Variants in MUCL1 observed in about 807,000 individuals in gnomAD.
MUCL1 encodes mucin-like protein 1.
MUCL1 carries 11 observed loss-of-function variants against 9.2 expected under a neutral mutation model. The ratio of observed to expected loss-of-function variants is 1.19; its 90% CI spans 0.75 to 1.97. The LOEUF is 1.97. Ranked by LOEUF, MUCL1 falls within the 30% of genes most tolerant of loss-of-function variation. The pLI is 0.00. For synonymous variants in MUCL1, 48 were observed against 40.5 expected, an observed-to-expected ratio of 1.19 and a Z score of -0.71; for missense variants, 144 against 110.9, an observed-to-expected ratio of 1.30 and a Z score of -1.34.
intron 1 of MUCL1, among the ~76,000 whole-genome samples, chr12:54,831,489 A>G (rs1959185279): frequency 6.6e-5 from 10 of 152,122 alleles, no homozygotes; most frequent in Admixed American, 6.5e-4. Context: ...TAGTCATATA[A>G]GGTTAAAATA....
At chr12:54,840,954 T>A (rs1393499795) in intron 1 of MUCL1, among the ~76,000 whole-genome samples, 1 of 152,200 alleles carries the variant, frequency 6.6e-6, no homozygotes, top group Non-Finnish European at 1.5e-5. Context: ...TCCCCAGGGA[T>A]GAAACTGTAT....
At chr12:54,850,852 C>T (rs1165469549), upstream of MUCL1, among the ~76,000 whole-genome samples, 1 of 152,210 alleles carries the variant, frequency 6.6e-6, no homozygotes, top group Non-Finnish European at 1.5e-5. Flanking sequence ...GATTGCCATT[C>T]TAACTGGTGT....
At chr12:54,843,659 T>C (rs1021835898) in intron 1 of MUCL1, among the ~76,000 whole-genome samples, 2 of 152,102 alleles carry the variant, frequency 1.3e-5, no homozygotes, top group Admixed American at 1.3e-4. Context: ...TGAGACAAAC[T>C]CAAATAATCA....
chr12:54,839,349 A>C (rs1423195787), upstream of MUCL1: 1 of 700,412 alleles, frequency 1.4e-6, no homozygotes, highest in Non-Finnish European at 2.6e-6. Flanking sequence ...TTATTTATTA[A>C]TTTTCTCCCT....
intron 1 of MUCL1, among the ~76,000 whole-genome samples, chr12:54,831,633 A>G (rs571740572): frequency 1.0e-3 from 154 of 152,236 alleles, no homozygotes; most frequent in African/African-American, 3.6e-3. Flanking sequence ...TTCATTGAAT[A>G]TCTAGATTAT....
upstream of MUCL1, among the ~76,000 whole-genome samples, chr12:54,853,789 T>A (rs1868275652): frequency 6.6e-6 from 1 of 152,214 alleles, no homozygotes; most frequent in Non-Finnish European, 1.5e-5. Context: ...CTTTGTTCGC[T>A]GTTATTTTTC....
chr12:54,835,869 A>G (rs7488173), upstream of MUCL1, among the ~76,000 whole-genome samples: 31,513 of 152,098 alleles, frequency 0.21, 3,713 homozygotes, highest in Middle Eastern at 0.29. Context: ...GCCTATTTAT[A>G]AATTCTGCCA....
chr12:54,851,154 C>A (rs950990588), upstream of MUCL1, among the ~76,000 whole-genome samples: 13 of 152,230 alleles, frequency 8.5e-5, no homozygotes, highest in African/African-American at 2.9e-4. Context: ...TGCAGAAGCT[C>A]TTTAGTTTAA....
chr12:54,840,859 T>C (rs1395109387), intron 1 of MUCL1, among the ~76,000 whole-genome samples: 1 of 152,190 alleles, frequency 6.6e-6, no homozygotes, highest in Non-Finnish European at 1.5e-5. Flanking sequence ...GCAGGCCTCA[T>C]ACCTGCAGTA....
At chr12:54,852,627 C>A (rs1233903749), upstream of MUCL1, among the ~76,000 whole-genome samples, 1 of 152,100 alleles carries the variant, frequency 6.6e-6, no homozygotes, top group African/African-American at 2.4e-5. Context: ...TATGTTTAAT[C>A]TTTTTTTCTT....
At chr12:54,856,634 G>A in intron 2 of MUCL1, 136 bp from the exon 3 acceptor site, 1 of 1,201,654 alleles carries the variant, frequency 8.3e-7, no homozygotes, top group Non-Finnish European at 1.2e-6. Context: ...AGGCAGGTAG[G>A]CTAAAGGTAA....
intron 1 of MUCL1, among the ~76,000 whole-genome samples, chr12:54,847,093 T>C (rs1032239079): frequency 4.6e-5 from 7 of 152,174 alleles, no homozygotes; most frequent in African/African-American, 1.4e-4. Flanking sequence ...TGAAAAGCCA[T>C]CCATTTTCAT....
At chr12:54,837,660 T>A (rs1959195317), upstream of MUCL1, among the ~76,000 whole-genome samples, 1 of 152,006 alleles carries the variant, frequency 6.6e-6, no homozygotes, top group African/African-American at 2.4e-5. Context: ...TCCCAGCTAC[T>A]CGGGAGGCTG....
At chr12:54,854,960 TTTATC>T (rs1359640701) in intron 1 of MUCL1, among the ~76,000 whole-genome samples, 151 bp from the exon 2 acceptor site, 10 of 152,160 alleles carry the variant, frequency 6.6e-5, no homozygotes, top group African/African-American at 2.2e-4. Context: ...TTTCATGGGT[TTTATC>T]TTATCTGTGC....
chr12:54,848,596 G>A (rs954722899), intron 1 of MUCL1, among the ~76,000 whole-genome samples: 4 of 152,020 alleles, frequency 2.6e-5, no homozygotes, highest in African/African-American at 9.7e-5. Context: ...ATCCTTAAAG[G>A]GATAAACACA....
At chr12:54,851,316 C>A (rs1262218242), upstream of MUCL1, among the ~76,000 whole-genome samples, 1 of 152,114 alleles carries the variant, frequency 6.6e-6, no homozygotes, top group East Asian at 1.9e-4. Context: ...GTCTTTAAAT[C>A]ATCTTAAATT....
At chr12:54,856,925 T>C in intron 3 of MUCL1, 33 bp downstream of exon 3, 1 of 1,613,046 alleles carries the variant, frequency 6.2e-7, no homozygotes, top group Non-Finnish European at 8.5e-7. Flanking sequence ...GTGCTTCCTT[T>C]ATGTGGCTCC....
upstream of MUCL1, among the ~76,000 whole-genome samples, chr12:54,838,016 T>G (rs1959196046): frequency 6.6e-6 from 1 of 152,236 alleles, no homozygotes; most frequent in Non-Finnish European, 1.5e-5. Context: ...TGCATTATTG[T>G]TTTATAGGCT....
chr12:54,840,470 C>G (rs1393396321), intron 1 of MUCL1, among the ~76,000 whole-genome samples: 1 of 152,182 alleles, frequency 6.6e-6, no homozygotes, highest in African/African-American at 2.4e-5. Flanking sequence ...CAGGAGGTGG[C>G]ACTTGCAAAA....
Sources: allele counts gnomAD v4.1 joint callset (sites outside exome capture counted in the v4.1 genomes callset), GRCh38; gene constraint gnomAD v4.1.1; transcripts MANE v1.5; gene names NCBI Gene and HGNC (gene_info 2026-07-23, HGNC 2026-07-21).